ANO2: variants seen among roughly 807,000 people sequenced by gnomAD.
ANO2 encodes anoctamin-2.
Under a neutral mutation model 124.2 loss-of-function variants are expected in ANO2, and 101 were observed. The observed-to-expected ratio is 0.81, with a 90% CI of 0.69 to 0.96. The LOEUF is 0.96. Among genes scored for constraint, ANO2 ranks in the 40% least tolerant of loss-of-function variants. The pLI, the probability that ANO2 is intolerant of heterozygous loss-of-function variation, is 0.00. For missense variants in ANO2, 1,293 were observed against 1,274.5 expected, an observed-to-expected ratio of 1.01 and a Z score of -0.22; for synonymous variants, 486 against 482.5, an observed-to-expected ratio of 1.01 and a Z score of -0.09.
intron 16 of ANO2, among the ~76,000 whole-genome samples, chr12:5,620,010 T>C (rs757261597): frequency 2.6e-5 from 4 of 152,258 alleles, no homozygotes; most frequent in Non-Finnish European, 4.4e-5. Flanking sequence ...CCAAGGCCTA[T>C]ATGCCTGTTG....
intron 3 of ANO2, among the ~76,000 whole-genome samples, chr12:5,882,470 C>T (rs536320260): frequency 4.6e-5 from 7 of 152,326 alleles, no homozygotes; most frequent in Non-Finnish European, 8.8e-5. Context: ...AGGCTGGGAC[C>T]TGCTCTTCCC....
chr12:5,720,600 C>T (rs1051562013), intron 14 of ANO2, among the ~76,000 whole-genome samples: 6 of 152,324 alleles, frequency 3.9e-5, no homozygotes, highest in South Asian at 2.1e-4. Flanking sequence ...CTAGCAACTA[C>T]GCTATTCCAA....
chr12:5,799,595 A>G, intron 9 of ANO2, 24 bp from the exon 10 acceptor site: 1 of 1,608,218 alleles, frequency 6.2e-7, no homozygotes, highest in African/African-American at 1.3e-5. Flanking sequence ...ATAAGGAAAC[A>G]GGTTAGAGGT....
chr12:5,782,109 A>G (rs73253300), intron 10 of ANO2, among the ~76,000 whole-genome samples: 3,194 of 152,230 alleles, frequency 0.021, 121 homozygotes, highest in African/African-American at 0.071. Flanking sequence ...TGCTCCATCT[A>G]TTTTGAAGCT....
intron 9 of ANO2, among the ~76,000 whole-genome samples, chr12:5,804,545 G>A (rs771446253): frequency 6.6e-6 from 1 of 152,174 alleles, no homozygotes; most frequent in African/African-American, 2.4e-5. Context: ...CCATGGAGAT[G>A]CAATTCCATC....
At chr12:5,943,024 A>C (rs767881048) in intron 1 of ANO2, among the ~76,000 whole-genome samples, 1 of 152,204 alleles carries the variant, frequency 6.6e-6, no homozygotes, top group Non-Finnish European at 1.5e-5. Flanking sequence ...TGAGAATGTA[A>C]ACTAGTACAA....
At chr12:5,706,428 G>A (rs550793550) in intron 14 of ANO2, among the ~76,000 whole-genome samples, 36 of 151,786 alleles carry the variant, frequency 2.4e-4, no homozygotes, top group African/African-American at 4.6e-4. Context: ...TACCTGCCCC[G>A]GGGCCTTTGC....
At chr12:5,914,409 T>A (rs1163978763) in intron 3 of ANO2, among the ~76,000 whole-genome samples, 1 of 152,084 alleles carries the variant, frequency 6.6e-6, no homozygotes, top group East Asian at 1.9e-4. Flanking sequence ...TCTCATGGCA[T>A]AGGAGGAGGG....
At chr12:5,881,793 A>C (rs1195149858) in intron 3 of ANO2, 1 of 152,240 alleles carries the variant, frequency 6.6e-6, no homozygotes, top group Non-Finnish European at 1.5e-5. Flanking sequence ...CAGCTGGAAG[A>C]ATGTTCCTTT....
chr12:5,752,281 T>G (rs1418359152), intron 10 of ANO2, among the ~76,000 whole-genome samples: 1 of 152,230 alleles, frequency 6.6e-6, no homozygotes, highest in Admixed American at 6.5e-5. Context: ...TTTAATTTTT[T>G]GAGGAACCTC....
chr12:5,563,076 C>G lies in ANO2; in HGVS notation c.*223G>C. ...AAAAGGATGCAGCTTAAAAGGGGAC[C>G]TAAAAGAAACTTAAGCTTGAAGTTT... On this transcript the variant is annotated 3_prime_UTR_variant, in exon 25 of 25. Transcript: ENST00000682330. 1.5e-6 allele frequency: 1 copy of G among 676,950 alleles called. No individual in the cohort carries two copies. The highest frequency in any genetic ancestry group is 2.4e-6 in the Non-Finnish European group (1 of 416,190). 41.9% of individuals were successfully genotyped at this position (676,950 alleles called of 1,614,324 possible). A position where few individuals can be genotyped will look rare whatever the true frequency, so the allele number is the denominator to read the frequency against.
At chr12:5,674,745 A>T (rs1948159531) in intron 14 of ANO2, among the ~76,000 whole-genome samples, 2 of 152,168 alleles carry the variant, frequency 1.3e-5, no homozygotes, top group Admixed American at 6.5e-5. Context: ...TTGATTCTGG[A>T]TCATTATTTC....
At chr12:5,605,476 C>G (rs1483379439) in intron 19 of ANO2, among the ~76,000 whole-genome samples, 2 of 152,124 alleles carry the variant, frequency 1.3e-5, no homozygotes, top group Non-Finnish European at 2.9e-5. Context: ...ACATTTTGAC[C>G]GTGGCAGTAT....
chr12:5,889,069 G>A lies in ANO2; in HGVS notation c.534+31971C>T, dbSNP rs530143628. 3.3e-3 allele frequency among the ~76,000 whole-genome samples: 498 copies of A among 152,332 alleles called. 4 individuals are homozygous for A. Among genetic ancestry groups the A allele is most frequent in the African/African-American group, 0.011 (464 of 41,576 alleles). On this transcript the variant is annotated intron_variant, in intron 3 of 24. Transcript: ENST00000682330. ...GGCAGCTAAGGCCCCACGAGAAGTCGAGCACAGCAGCTGCTGGCCCAGGTG... is the reference window on the plus strand; with the variant it reads ...GGCAGCTAAGGCCCCACGAGAAGTCAAGCACAGCAGCTGCTGGCCCAGGTG...
intron 15 of ANO2, among the ~76,000 whole-genome samples, chr12:5,641,519 T>C (rs1287908470): frequency 6.6e-6 from 1 of 152,174 alleles, no homozygotes; most frequent in Non-Finnish European, 1.5e-5. Flanking sequence ...TGGAATACTT[T>C]TGAGAGTAAA....
intron 3 of ANO2, among the ~76,000 whole-genome samples, chr12:5,893,618 C>T (rs907044618): frequency 5.9e-5 from 9 of 151,724 alleles, no homozygotes; most frequent in African/African-American, 1.9e-4. Context: ...TTAGGTATTT[C>T]GCCTAATGCT....
chr12:5,601,979 C>A (rs1943962734), intron 19 of ANO2, among the ~76,000 whole-genome samples: 2 of 152,304 alleles, frequency 1.3e-5, no homozygotes, highest in South Asian at 4.1e-4. Context: ...ATCCCCAAGG[C>A]AGGGGGTGGT....
chr12:5,936,012 G>A (rs1942633826), intron 1 of ANO2, among the ~76,000 whole-genome samples: 2 of 152,296 alleles, frequency 1.3e-5, no homozygotes, highest in South Asian at 2.1e-4. Context: ...ATCTTTTTAC[G>A]TGCTTACTAG....
intron 3 of ANO2, among the ~76,000 whole-genome samples, chr12:5,915,639 G>A (rs61908403): frequency 0.15 from 23,071 of 152,152 alleles, 1,983 homozygotes; most frequent in Middle Eastern, 0.2. Context: ...TGGGGCCACC[G>A]CACCTACTGT....
Sources: gnomAD v4.1 joint callset for allele counts (sites outside exome capture counted in the v4.1 genomes callset) on GRCh38, gnomAD v4.1.1 for gene constraint, MANE v1.5 for transcripts, NCBI Gene and HGNC (gene_info 2026-07-23, HGNC 2026-07-21) for gene names.